Variants in PCDH12 observed in about 807,000 individuals in gnomAD.
The protein encoded by PCDH12 is protocadherin 12, also known as protocadherin-12.
A neutral mutation model predicts 70.9 loss-of-function variants in PCDH12; 45 were observed. That is an observed-to-expected ratio of 0.63 (90% confidence interval 0.50 to 0.81). The LOEUF is 0.81. Ranked by LOEUF, PCDH12 falls within the 40% of genes least tolerant of loss-of-function variation. The probability of loss-of-function intolerance (pLI) is 0.00; values close to 1 mark genes in which losing one functional copy is unlikely to be tolerated. For missense variants in PCDH12, 1,370 were observed against 1,491.7 expected (o/e 0.92, Z 1.34); for synonymous variants, 567 against 626.0 (o/e 0.91, Z 1.41).
Position 141,945,490 on chromosome 5 carries a change from T to G in PCDH12, c.3446A>C (p.Asp1149Ala). The change falls in exon 4 of 4, where the codon GAC becomes GCC. Residue 1149 changes from aspartate to alanine, a missense_variant. Coordinates refer to ENST00000231484, the MANE Select transcript of PCDH12 (RefSeq NM_016580.4). ...LSVCGRTLSL[D>A]LATSAASGMK... is the part of the protein sequence containing the mutation. ...GCCTGAGGCTGCACTGGTGGCCAAGTCTAAACTGAGGGTCCTCCCGCAGAC... is the reference window on the plus strand; with the variant it reads ...GCCTGAGGCTGCACTGGTGGCCAAGGCTAAACTGAGGGTCCTCCCGCAGAC... The G allele has an allele frequency of 6.2e-7, 1 of 1,613,398 alleles. No individual in the cohort carries two copies. Among genetic ancestry groups the G allele is most frequent in the Non-Finnish European group, 8.5e-7 (1 of 1,179,762 alleles).
intron 3 of PCDH12, among the ~76,000 whole-genome samples, chr5:141,946,471 C>T (rs972256984): frequency 2.0e-5 from 3 of 152,150 alleles, no homozygotes; most frequent in Non-Finnish European, 2.9e-5. Flanking sequence ...TATGATGGCA[C>T]CACCCTACCC....
At chr5:141,946,988 A>G (rs1052048347) in intron 3 of PCDH12, among the ~76,000 whole-genome samples, 3 of 152,220 alleles carry the variant, frequency 2.0e-5, no homozygotes, top group African/African-American at 7.2e-5. Flanking sequence ...TGCGCACAGA[A>G]TGAAAGACTG....
In PCDH12 at chr5:141,958,130, A is replaced by C; in HGVS notation, c.-279T>G. ...GTTGGTCCACTTCAGCAAATGATGG[A>C]CAAGAGCTGGTCTAAGAGGGACCTG... is the stretch of plus-strand genomic sequence containing the variant. On this transcript the variant is annotated 5_prime_UTR_variant, in exon 1 of 4. Transcript: ENST00000231484. 1 of 460,420 alleles carries C rather than the reference A, an allele frequency of 2.2e-6. No homozygotes were observed. The highest frequency in any genetic ancestry group is 3.9e-6 in the Non-Finnish European group (1 of 256,838). The allele number at this position is 460,420 out of a possible 1,614,324, so 28.5% of individuals were successfully genotyped here.
Position 141,955,560 on chromosome 5 carries a change from C to G in PCDH12, c.2292G>C (p.Lys764Asn). The change falls in exon 1 of 4, where the codon AAG becomes AAC. Residue 764 changes from lysine to asparagine, a missense_variant. Transcript: ENST00000231484. The surrounding 1 kb of genome is among the most constrained non-coding windows in gnomAD (Gnocchi z 5.5). ...CCTTCTGAATGTGTTTCTGGGGCCTCTTGGGCTGCTGGCGGTAGGTGGACT... is the reference window on the plus strand; with the variant it reads ...CCTTCTGAATGTGTTTCTGGGGCCTGTTGGGCTGCTGGCGGTAGGTGGACT... ...EAESTYRQQP[K>N]RPQKHIQKAD... 1 of 1,614,166 alleles carries G rather than the reference C, an allele frequency of 6.2e-7. No individual in the cohort carries two copies. Among genetic ancestry groups the G allele is most frequent in the Non-Finnish European group, 8.5e-7 (1 of 1,180,020 alleles).
chr5:141,949,825 G>A (rs748638141), intron 2 of PCDH12, among the ~76,000 whole-genome samples: 3 of 152,184 alleles, frequency 2.0e-5, no homozygotes, highest in African/African-American at 4.8e-5. Flanking sequence ...AAAATGAGAC[G>A]TTGTAGGTAG....
At chr5:141,953,703 CT>C (rs1437718835) in intron 1 of PCDH12, among the ~76,000 whole-genome samples, 8 of 152,220 alleles carry the variant, frequency 5.3e-5, no homozygotes, top group Admixed American at 2.0e-4. Flanking sequence ...CAAAAAGCAC[CT>C]GATAAATGGA....
At position 141,955,448 on chromosome 5, in the gene PCDH12, C is replaced by T. The variant is rs1338122515; in HGVS notation, c.2404G>A (p.Ala802Thr). ...GQSHKDVDKE[A>T]MMEAGWDPCL... ...GGGTCCCAGCCTGCTTCCATCATCG[C>T]CTCCTTGTCCACATCTTTGTGGGAC... The change falls in exon 1 of 4, where the codon GCG (alanine) becomes ACG (threonine). Residue 802 changes from alanine to threonine, a missense_variant. Ala to Thr is a moderately conservative substitution (Grantham distance 58). Coordinates refer to ENST00000231484, the MANE Select transcript of PCDH12 (RefSeq NM_016580.4). The surrounding 1 kb of genome is among the most constrained non-coding windows in gnomAD (Gnocchi z 5.5). 1 of 1,614,076 alleles carries T rather than the reference C, an allele frequency of 6.2e-7. No homozygotes were observed. Among genetic ancestry groups the T allele is most frequent in the Admixed American group, 1.7e-5 (1 of 60,016 alleles).
rs1442278663 is a variant in PCDH12 at position 141,955,577 on chromosome 5, A to C, written c.2275T>G (p.Tyr759Asp). 5.6e-6 allele frequency: 9 copies of C among 1,614,002 alleles called. No homozygotes were observed. The highest frequency in any genetic ancestry group is 6.8e-6 in the Non-Finnish European group (8 of 1,180,034). ...TGGGGCCTCTTGGGCTGCTGGCGGTAGGTGGACTCGGCCTCCCGACAGTTG... is the reference window on the plus strand; with the variant it reads ...TGGGGCCTCTTGGGCTGCTGGCGGTCGGTGGACTCGGCCTCCCGACAGTTG... Reference protein sequence around the residue: ...AYNCREAESTYRQQPKRPQKH... With the variant: ...AYNCREAESTDRQQPKRPQKH... The change falls in exon 1 of 4, where the codon TAC becomes GAC. Residue 759 changes from tyrosine (Y) to aspartate (D), a missense_variant. By Grantham distance (160) the Tyr-to-Asp change is radical. Transcript: ENST00000231484. The surrounding 1 kb of genome is among the most constrained non-coding windows in gnomAD (Gnocchi z 5.5).
rs1752898219 is a variant in PCDH12, at chr5:141,945,669, CGT to C, written c.3265_3266del (p.Thr1089ValfsTer82). 5 of 1,614,204 alleles carry C rather than the reference CGT, an allele frequency of 3.1e-6. No homozygotes were observed. In the Admixed American group the frequency reaches 6.7e-5, roughly 22 times the overall value. Reference sequence around the variant, plus strand: ...GCTCTGGTGCCTCTGCCTTGCCGAACGTCTGGAAGGTCCTTGGCTCCTCCGTG... The same window carrying C: ...GCTCTGGTGCCTCTGCCTTGCCGAACCTGGAAGGTCCTTGGCTCCTCCGTG... Reference protein sequence around the residue: ...AATEEPRTFQTFGKAEAPELS... With the variant: ...AATEEPRTFQXFGKAEAPELS... On this transcript the variant is annotated frameshift_variant, in exon 4 of 4. Coordinates refer to ENST00000231484, the MANE Select transcript of PCDH12 (RefSeq NM_016580.4). LOFTEE classifies it high-confidence loss of function.
rs1040074840 is a variant in PCDH12 at position 141,955,354 on chromosome 5, C to A, written c.2498G>T (p.Gly833Val). 4 of 1,614,120 alleles carry A rather than the reference C, an allele frequency of 2.5e-6. No homozygotes were observed. The highest frequency in any genetic ancestry group is 3.3e-5 in the Admixed American group (2 of 60,026). The change falls in exon 1 of 4, where the codon GGA becomes GTA. Residue 833 changes from glycine (G) to valine (V), a missense_variant. By Grantham distance (109) the Gly-to-Val change is moderately radical. Coordinates refer to ENST00000231484, the MANE Select transcript of PCDH12 (RefSeq NM_016580.4). This position sits in a 1 kb window ranked among gnomAD's most constrained non-coding sequence, Gnocchi z 5.5. Reference protein sequence around the residue: ...YRTLRNQGNQGAPAESREVLQ... With the variant: ...YRTLRNQGNQVAPAESREVLQ... Reference sequence around the variant, plus strand: ...CACCTCTCGGCTCTCCGCCGGTGCTCCCTGGTTGCCTTGATTACGCAGCGT... The same window carrying A: ...CACCTCTCGGCTCTCCGCCGGTGCTACCTGGTTGCCTTGATTACGCAGCGT...
Position 141,957,992 on chromosome 5 carries a change from G to T in PCDH12, c.-141C>A. 1.0e-6 allele frequency: 1 copy of T among 958,068 alleles called. No individual in the cohort carries two copies. Among genetic ancestry groups the T allele is most frequent in the South Asian group, 1.7e-5 (1 of 58,256 alleles). The allele number at this position is 958,068 out of a possible 1,614,324, so 59.3% of individuals were successfully genotyped here. On this transcript the variant is annotated 5_prime_UTR_variant, in exon 1 of 4. Transcript: ENST00000231484. This position sits in a 1 kb window ranked among gnomAD's most constrained non-coding sequence, Gnocchi z 4.3. ...CCGGCACAACCTTGTCCCATAGTTAGATGATTATGAAACAAGCAGGACCCC... is the reference window on the plus strand; with the variant it reads ...CCGGCACAACCTTGTCCCATAGTTATATGATTATGAAACAAGCAGGACCCC...
chr5:141,955,766 C>T lies in PCDH12; in HGVS notation c.2086G>A (p.Val696Ile). ...QTRALLRVMFVTSVDHLRDSA... is the reference protein window; with the variant it reads ...QTRALLRVMFITSVDHLRDSA... ...TCCCTCAGGTGGTCCACACTGGTGA[C>T]AAACATGACCCTCAACAGGGCTCGG... The change falls in exon 1 of 4, where the codon GTC (valine) becomes ATC (isoleucine). Residue 696 changes from valine to isoleucine, a missense_variant. Transcript: ENST00000231484. This position sits in a 1 kb window ranked among gnomAD's most constrained non-coding sequence, Gnocchi z 5.5. The T allele has an allele frequency of 6.2e-7, 1 of 1,613,966 alleles. No homozygotes were observed. Among genetic ancestry groups the T allele is most frequent in the South Asian group, 1.1e-5 (1 of 91,044 alleles).
At position 141,955,149 on chromosome 5, in the gene PCDH12, CTG is replaced by C; in HGVS notation, c.2701_2702del (p.Gln901GlufsTer22). 4.3e-6 allele frequency: 7 copies of C among 1,614,216 alleles called. No individual in the cohort carries two copies. Among genetic ancestry groups the C allele is most frequent in the Non-Finnish European group, 5.1e-6 (6 of 1,180,032 alleles). ...AGDQGSEEAP[Q>X]RPPASSATLR... is the part of the protein sequence containing the mutation. ...GGGTTGCAGAGGAGGCTGGTGGCCT[CTG>C]TGGGGCTTCCTCACTGCCCTGGTCT... On this transcript the variant is annotated frameshift_variant, in exon 1 of 4. Transcript: ENST00000231484. LOFTEE classifies it high-confidence loss of function. This position sits in a 1 kb window ranked among gnomAD's most constrained non-coding sequence, Gnocchi z 5.5.
At position 141,955,238 on chromosome 5, in the gene PCDH12, T is replaced by C. The variant is rs1457583115; in HGVS notation, c.2614A>G (p.Thr872Ala). 1 of 1,614,202 alleles carries C rather than the reference T, an allele frequency of 6.2e-7. No individual in the cohort carries two copies. The highest frequency in any genetic ancestry group is 8.5e-7 in the Non-Finnish European group (1 of 1,180,032). Residue 872 changes from threonine to alanine, a missense_variant, in exon 1 of 4, where the codon ACA becomes GCA. Coordinates refer to ENST00000231484, the MANE Select transcript of PCDH12 (RefSeq NM_016580.4). This position sits in a 1 kb window ranked among gnomAD's most constrained non-coding sequence, Gnocchi z 5.5. ...AGAGGCCTGGAACGTGGCTGGCCTGTGGCAGGCTGGGGCTCGGGAAGGTTC... is the reference window on the plus strand; with the variant it reads ...AGAGGCCTGGAACGTGGCTGGCCTGCGGCAGGCTGGGGCTCGGGAAGGTTC... The part of the protein sequence containing the change: ...NLNLPEPQPA[T>A]GQPRSRPLKV...
rs1246697455 is a variant in PCDH12 at position 141,943,634 on chromosome 5, C to G, written c.*1747G>C. On this transcript the variant is annotated 3_prime_UTR_variant, in exon 4 of 4. Transcript: ENST00000231484. ...TTGACACATTTATTCATTCATACAT[C>G]CATTCAACAGCTATTCATCAAGTGT... is the stretch of plus-strand genomic sequence containing the variant. 2 of 152,180 alleles carry G rather than the reference C, an allele frequency of 1.3e-5. No individual in the cohort carries two copies. The highest frequency in any genetic ancestry group is 4.8e-5 in the African/African-American group (2 of 41,440). 9.4% of individuals were successfully genotyped at this position (152,180 alleles called of 1,614,324 possible).
intron 2 of PCDH12, 95 bp downstream of exon 2, chr5:141,951,398 A>G: frequency 1.1e-6 from 1 of 921,028 alleles, no homozygotes; most frequent in Non-Finnish European, 1.8e-6. Context: ...CCGGTGTCTG[A>G]CTTGTGCTCA....
chr5:141,957,873 A>T lies in PCDH12; in HGVS notation c.-22T>A. 6.3e-7 allele frequency: 1 copy of T among 1,586,560 alleles called. No individual in the cohort carries two copies. The highest frequency in any genetic ancestry group is 8.5e-7 in the Non-Finnish European group (1 of 1,172,530). On this transcript the variant is annotated 5_prime_UTR_variant, in exon 1 of 4. Coordinates refer to ENST00000231484, the MANE Select transcript of PCDH12 (RefSeq NM_016580.4). The surrounding 1 kb of genome is among the most constrained non-coding windows in gnomAD (Gnocchi z 4.3). The stretch of plus-strand genomic sequence containing the variant: ...TCATGCTTACCGCCAAGTGGGCTAG[A>T]TTCAGAAACCACTAGAGTTCTTTCA...
chr5:141,952,863 C>T (rs1180822937), intron 1 of PCDH12: 2 of 152,232 alleles, frequency 1.3e-5, no homozygotes, highest in Non-Finnish European at 2.9e-5. Context: ...CTGGGTCCAT[C>T]CCCATTCCTC....
In PCDH12 at chr5:141,945,081, G is replaced by A. The variant is rs150724917; in HGVS notation, c.*300C>T. The A allele has an allele frequency of 2.5e-3, 956 of 379,576 alleles. 3 individuals carry two copies. Among genetic ancestry groups the A allele is most frequent in the Non-Finnish European group, 3.1e-3 (663 of 210,860 alleles). The allele number at this position is 379,576 out of a possible 1,614,324, so 23.5% of individuals were successfully genotyped here. On this transcript the variant is annotated 3_prime_UTR_variant, in exon 4 of 4. Transcript: ENST00000231484. Reference sequence around the variant, plus strand: ...CACCCTTTCCTGCCTGTGATACTCCGTGGCATCTGTTCTGCCAGAGGACTG... The same window carrying A: ...CACCCTTTCCTGCCTGTGATACTCCATGGCATCTGTTCTGCCAGAGGACTG...
Sources: allele counts gnomAD v4.1 joint callset (sites outside exome capture counted in the v4.1 genomes callset), GRCh38; gene constraint gnomAD v4.1.1; non-coding constraint Gnocchi (gnomAD v3.1); transcripts MANE v1.5; gene names NCBI Gene and HGNC (gene_info 2026-07-23, HGNC 2026-07-21).